PSMA1: variants seen among roughly 807,000 people sequenced by gnomAD.
PSMA1 encodes proteasome subunit alpha type-1.
A neutral mutation model predicts 38.4 loss-of-function variants in PSMA1; 3 were observed. The observed-to-expected ratio is 0.08, with a 90% CI of 0.04 to 0.20. The LOEUF is 0.20. Ranked by LOEUF, PSMA1 falls within the 10% of genes least tolerant of loss-of-function variation. The pLI is 1.00. For synonymous variants in PSMA1, 101 were observed against 107.1 expected (o/e 0.94, Z 0.35); for missense variants, 227 against 325.3 (o/e 0.70, Z 2.32).
At chr11:14,532,370 C>T (rs1851656493) in intron 2 of PSMA1, among the ~76,000 whole-genome samples, 1 of 151,976 alleles carries the variant, frequency 6.6e-6, no homozygotes, top group Admixed American at 6.6e-5. Flanking sequence ...TTTGGGAGGC[C>T]AAGGCGGGCA....
At chr11:14,630,903 T>C (rs551562546) in intron 1 of PSMA1, among the ~76,000 whole-genome samples, 1 of 152,130 alleles carries the variant, frequency 6.6e-6, no homozygotes, top group South Asian at 2.1e-4. Context: ...GGAGAGTGTA[T>C]GTGTCCAGGA....
At chr11:14,530,392 C>T (rs372987397) in intron 2 of PSMA1, among the ~76,000 whole-genome samples, 6 of 152,052 alleles carry the variant, frequency 3.9e-5, no homozygotes, top group African/African-American at 7.2e-5. Context: ...TTATAAAATA[C>T]GAGAATATTG....
At chr11:14,512,439 T>C (rs1452815513) in intron 7 of PSMA1, among the ~76,000 whole-genome samples, 1 of 152,120 alleles carries the variant, frequency 6.6e-6, no homozygotes, top group African/African-American at 2.4e-5. Context: ...ATGGATCAGA[T>C]GCTTTGTATC....
intron 1 of PSMA1, among the ~76,000 whole-genome samples, chr11:14,637,019 C>A (rs139131041): frequency 6.6e-6 from 1 of 152,158 alleles, no homozygotes; most frequent in Non-Finnish European, 1.5e-5. Context: ...CAATTAAATA[C>A]AATAAAAATT....
At chr11:14,566,113 T>C (rs1306030755) in intron 2 of PSMA1, among the ~76,000 whole-genome samples, 1 of 152,118 alleles carries the variant, frequency 6.6e-6, no homozygotes, top group Non-Finnish European at 1.5e-5. Context: ...AAGATGGAGT[T>C]GGAGGTAATG....
rs1851466000 is a variant in PSMA1, at chr11:14,518,132, ACT to A, written c.49-153_49-152del. On this transcript the variant is annotated intron_variant, in intron 2 of 9. Transcript: ENST00000396394. Reference sequence around the variant, plus strand: ...TTTTTTTTTTTTGAGACAGGTTCTCACTCTGTCACCCAGGCTGGAGTGCAGTG... The same window carrying A: ...TTTTTTTTTTTTGAGACAGGTTCTCACTGTCACCCAGGCTGGAGTGCAGTG... The A allele has an allele frequency of 5.1e-6, 3 of 586,328 alleles. No individual in the cohort carries two copies. In the South Asian group the frequency reaches 6.9e-5, roughly 14 times the overall value. 36.3% of individuals were successfully genotyped at this position (586,328 alleles called of 1,614,324 possible).
Position 14,604,221 on chromosome 11 carries a change from G to A in PSMA1, c.21+6745C>T, listed in dbSNP as rs529725262. On this transcript the variant is annotated intron_variant, in intron 2 of 10. Transcript: ENST00000418988. Reference sequence around the variant, plus strand: ...ATTACAGGCATATGCCACCACGCCCGGCTAATTTTTTTGTATTTTTAGTAG... The same window carrying A: ...ATTACAGGCATATGCCACCACGCCCAGCTAATTTTTTTGTATTTTTAGTAG... Among the ~76,000 whole-genome samples the A allele has an allele frequency of 5.0e-4, 76 of 152,134 alleles. 1 individual carries two copies. Among genetic ancestry groups the A allele is most frequent in the African/African-American group, 1.8e-3 (73 of 41,506 alleles).
At chr11:14,550,631 G>T (rs548360504) in intron 2 of PSMA1, among the ~76,000 whole-genome samples, 138 of 152,194 alleles carry the variant, frequency 9.1e-4, no homozygotes, top group African/African-American at 3.3e-3. Flanking sequence ...AGAGAGGTAA[G>T]GCAAGCAAAA....
At chr11:14,562,994 G>A (rs1225072531) in intron 2 of PSMA1, among the ~76,000 whole-genome samples, 1 of 152,084 alleles carries the variant, frequency 6.6e-6, no homozygotes, top group Non-Finnish European at 1.5e-5. Context: ...TGTCATTTAT[G>A]TAATCTTTCC....
intron 2 of PSMA1, among the ~76,000 whole-genome samples, chr11:14,540,756 A>G (rs1440838555): frequency 6.6e-6 from 1 of 152,236 alleles, no homozygotes; most frequent in Admixed American, 6.5e-5. Context: ...GTTCTTTTTA[A>G]AAAAGGTACA....
intron 2 of PSMA1, among the ~76,000 whole-genome samples, chr11:14,601,781 T>C (rs1363922018): frequency 6.6e-6 from 1 of 152,190 alleles, no homozygotes; most frequent in Non-Finnish European, 1.5e-5. Flanking sequence ...AGTGAAAGAA[T>C]GAGATTAAAA....
intron 9 of PSMA1, 67 bp from the exon 10 acceptor site, chr11:14,505,315 C>T: frequency 7.8e-7 from 1 of 1,277,350 alleles, no homozygotes; most frequent in Non-Finnish European, 1.1e-6. Context: ...CATCTAATCA[C>T]AAATATTACG....
chr11:14,634,501 CTT>C (rs75605281), intron 1 of PSMA1, among the ~76,000 whole-genome samples: 4 of 140,970 alleles, frequency 2.8e-5, no homozygotes, highest in Non-Finnish European at 3.1e-5. Context: ...AAAATTTAGG[CTT>C]TTTTTTTTTT....
chr11:14,514,426 C>T lies in PSMA1; in HGVS notation c.320G>A (p.Arg107His), dbSNP rs764316904. 6.2e-6 allele frequency: 10 copies of T among 1,607,592 alleles called. No homozygotes were observed. Among genetic ancestry groups the T allele is most frequent in the Admixed American group, 1.7e-5 (1 of 59,416 alleles). Residue 107 changes from arginine to histidine, a missense_variant, in exon 5 of 10, where the codon CGT (arginine) becomes CAT (histidine). Physicochemically the swap from Arg to His is conservative, Grantham distance 29 (BLOSUM62 0). Coordinates refer to ENST00000396394, the MANE Select transcript of PSMA1 (RefSeq NM_002786.4). ...FVFDRPLPVS[R>H]LVSLIGSKTQ... is the part of the protein sequence containing the mutation. ...ACTGCTTCCAATTAGAGATACAAGA[C>T]GAGACACAGGCAGTGGTCTATCGAA...
upstream of PSMA1, among the ~76,000 whole-genome samples, chr11:14,520,905 T>C (rs548980262): frequency 2.0e-5 from 3 of 152,372 alleles, no homozygotes; most frequent in African/African-American, 7.2e-5. Flanking sequence ...GGAATGCTCT[T>C]CCTTATTCCC....
At chr11:14,506,045 T>C (rs1346097854) in intron 9 of PSMA1, among the ~76,000 whole-genome samples, 1 of 152,132 alleles carries the variant, frequency 6.6e-6, no homozygotes, top group Non-Finnish European at 1.5e-5. Flanking sequence ...TCTATTTATG[T>C]GTTAATTGTC....
At chr11:14,635,398 T>G (rs1334989594) in intron 1 of PSMA1, among the ~76,000 whole-genome samples, 1 of 152,142 alleles carries the variant, frequency 6.6e-6, no homozygotes, top group Non-Finnish European at 1.5e-5. Context: ...TGCTAGAGAG[T>G]TGTCACTGGG....
At chr11:14,550,421 C>T (rs1023202483) in intron 2 of PSMA1, among the ~76,000 whole-genome samples, 6 of 152,084 alleles carry the variant, frequency 3.9e-5, no homozygotes, top group African/African-American at 1.4e-4. Context: ...ACTTCAGAAG[C>T]CCTAACATGT....
intron 7 of PSMA1, among the ~76,000 whole-genome samples, chr11:14,513,123 T>C (rs2134145467): frequency 6.6e-6 from 1 of 152,310 alleles, no homozygotes; most frequent in Non-Finnish European, 1.5e-5. Context: ...ACATCTTACC[T>C]CTTTTACCTT....
Sources: gnomAD v4.1 joint callset for allele counts (sites outside exome capture counted in the v4.1 genomes callset) on GRCh38, gnomAD v4.1.1 for gene constraint, MANE v1.5 for transcripts, NCBI Gene and HGNC (gene_info 2026-07-23, HGNC 2026-07-21) for gene names.